The following WNT7B variants were observed in gnomAD, a reference collection of about 807,000 sequenced individuals.
WNT7B encodes the protein Wnt family member 7B.
In WNT7B, 19 loss-of-function variants were observed where a neutral mutation model predicts 38.2. That is an observed-to-expected ratio of 0.50 (90% CI 0.35 to 0.73). The LOEUF (loss-of-function observed/expected upper bound fraction) is 0.73, where lower values mean the gene tolerates loss of function less well. Ranked by LOEUF, WNT7B falls within the 30% of genes least tolerant of loss-of-function variation. The pLI, the probability that WNT7B is intolerant of heterozygous loss-of-function variation, is 0.01. For synonymous variants in WNT7B, 243 were observed against 209.3 expected (o/e 1.16, Z -1.39); for missense variants, 423 against 507.9 (o/e 0.83, Z 1.61).
intron 1 of WNT7B, among the ~76,000 whole-genome samples, chr22:45,974,639 G>T (rs561709598): frequency 6.6e-6 from 1 of 152,126 alleles, no homozygotes; most frequent in African/African-American, 2.4e-5. Context: ...TTCCCCTCCA[G>T]GGGCCCTGGG....
chr22:45,954,247 G>C (rs889623296), intron 1 of WNT7B, among the ~76,000 whole-genome samples: 1 of 152,138 alleles, frequency 6.6e-6, no homozygotes, highest in Non-Finnish European at 1.5e-5. Context: ...GATTGCCAGG[G>C]CTGGGAAGGG....
intron 3 of WNT7B, chr22:45,927,271 C>G (rs1465005062): frequency 2.0e-6 from 2 of 985,280 alleles, no homozygotes; most frequent in Non-Finnish European, 2.4e-6. Flanking sequence ...CGCACAGGCA[C>G]CCTGCGGCAG....
intron 3 of WNT7B, among the ~76,000 whole-genome samples, chr22:45,930,827 G>C (rs910118160): frequency 5.9e-5 from 9 of 152,208 alleles, no homozygotes; most frequent in Non-Finnish European, 8.8e-5. Flanking sequence ...CTCACACCCT[G>C]CATGGAAATG....
At chr22:45,948,826 C>A (rs1601729828) in intron 2 of WNT7B, among the ~76,000 whole-genome samples, 1 of 136,036 alleles carries the variant, frequency 7.4e-6, no homozygotes, top group South Asian at 2.3e-4. Context: ...TCCAAAGATC[C>A]CTTTTTTTTT....
chr22:45,973,180 C>T (rs1276632694), intron 1 of WNT7B, among the ~76,000 whole-genome samples: 1 of 152,246 alleles, frequency 6.6e-6, no homozygotes, highest in Non-Finnish European at 1.5e-5. Context: ...CTCCTTTGAG[C>T]GGTTGGCGGG....
intron 3 of WNT7B, chr22:45,926,505 G>A (rs1169889024): frequency 9.1e-6 from 9 of 985,328 alleles, no homozygotes; most frequent in Admixed American, 6.1e-5. Flanking sequence ...CCAGGCAGGG[G>A]AGTCATGGGG....
In WNT7B at chr22:45,965,922, T is replaced by C. The variant is rs1028761309; in HGVS notation, c.71+10762A>G. Among the ~76,000 whole-genome samples the C allele has an allele frequency of 6.6e-6, 1 of 152,128 alleles. No individual in the cohort carries two copies. Among genetic ancestry groups the C allele is most frequent in the African/African-American group, 2.4e-5 (1 of 41,432 alleles). ...CCCGCCCAAGGCTGGAAACCCGCCT[T>C]AGTAAAACACCGTGACAAGTGGCAT... is the stretch of plus-strand genomic sequence containing the variant. On this transcript the variant is annotated intron_variant, in intron 1 of 3. Coordinates refer to ENST00000339464, the MANE Select transcript of WNT7B (RefSeq NM_058238.3). The surrounding 1 kb of genome is among the most constrained non-coding windows in gnomAD (Gnocchi z 6.5).
At chr22:45,950,507 C>T (rs368522320) in intron 1 of WNT7B, among the ~76,000 whole-genome samples, 7 of 152,260 alleles carry the variant, frequency 4.6e-5, no homozygotes, top group African/African-American at 1.7e-4. Context: ...CAGCCGCCAA[C>T]TCGGGACTGT....
intron 2 of WNT7B, among the ~76,000 whole-genome samples, chr22:45,932,322 C>CT (rs1267251931): frequency 1.3e-5 from 2 of 152,146 alleles, no homozygotes; most frequent in Non-Finnish European, 2.9e-5. Flanking sequence ...ATTATGTGGT[C>CT]TTTTTGGTGG....
chr22:45,949,119 C>T (rs137889259), intron 2 of WNT7B, among the ~76,000 whole-genome samples: 4 of 152,280 alleles, frequency 2.6e-5, no homozygotes, highest in African/African-American at 9.6e-5. Context: ...GCATGAGCCA[C>T]CAGGTCCGGC....
Position 45,922,617 on chromosome 22 carries a change from T to TGGGTGGGTCAC in WNT7B, c.*228_*238dup. On this transcript the variant is annotated 3_prime_UTR_variant, in exon 4 of 4. Coordinates refer to ENST00000339464, the MANE Select transcript of WNT7B (RefSeq NM_058238.3). ...CACCAAGACCCCTGGCCTTGCTCTC[T>TGGGTGGGTCAC]GGGTGGGTCACGGGTGCTGTTCTGC... 1.6e-6 allele frequency: 1 copy of TGGGTGGGTCAC among 610,970 alleles called. No homozygotes were observed. Among genetic ancestry groups the TGGGTGGGTCAC allele is most frequent in the Non-Finnish European group, 2.8e-6 (1 of 362,434 alleles). 37.8% of individuals were successfully genotyped at this position (610,970 alleles called of 1,614,324 possible). A position where few individuals can be genotyped will look rare whatever the true frequency, so the allele number is the denominator to read the frequency against.
chr22:45,965,917 C>A lies in WNT7B; in HGVS notation c.71+10767G>T, dbSNP rs865952283. Among the ~76,000 whole-genome samples, 1 of 152,174 alleles carries A rather than the reference C, an allele frequency of 6.6e-6. No individual in the cohort carries two copies. The highest frequency in any genetic ancestry group is 2.4e-5 in the African/African-American group (1 of 41,450). On this transcript the variant is annotated intron_variant, in intron 1 of 3. Coordinates refer to ENST00000339464, the MANE Select transcript of WNT7B (RefSeq NM_058238.3). The surrounding 1 kb of genome is among the most constrained non-coding windows in gnomAD (Gnocchi z 6.5). ...CAGAGCCCGCCCAAGGCTGGAAACCCGCCTTAGTAAAACACCGTGACAAGT... is the reference window on the plus strand; with the variant it reads ...CAGAGCCCGCCCAAGGCTGGAAACCAGCCTTAGTAAAACACCGTGACAAGT...
At chr22:45,940,702 A>G (rs1193433788) in intron 2 of WNT7B, among the ~76,000 whole-genome samples, 1 of 152,230 alleles carries the variant, frequency 6.6e-6, no homozygotes, top group Admixed American at 6.5e-5. Context: ...GCCAGAGGCC[A>G]GGGGTCAGAG....
intron 1 of WNT7B, among the ~76,000 whole-genome samples, chr22:45,958,155 G>A (rs924066298): frequency 9.9e-5 from 15 of 152,220 alleles, no homozygotes; most frequent in African/African-American, 2.4e-4. Context: ...AGCAGGGCCC[G>A]TCAGCAGTGA....
At chr22:45,972,116 G>GGGGCCCCCCCCCCCCCCC in intron 1 of WNT7B, 1 of 530,744 alleles carries the variant, frequency 1.9e-6, no homozygotes, top group East Asian at 3.7e-5. Context: ...CCCGGGGGGA[G>GGGGCCCCCCCCCCCCCCC]CCCACCCGCC....
At position 45,926,846 on chromosome 22, in the gene WNT7B, G is replaced by T. The variant is rs367649452; in HGVS notation, c.571-3511C>A. The T allele has an allele frequency of 6.1e-6, 6 of 985,270 alleles. No individual in the cohort carries two copies. In the South Asian group the frequency reaches 2.8e-4, roughly 46 times the overall value. 61.0% of individuals were successfully genotyped at this position (985,270 alleles called of 1,614,324 possible). A position where few individuals can be genotyped will look rare whatever the true frequency, so the allele number is the denominator to read the frequency against. ...ACTGGCCGAGAAGGAGAGTGTGGAG[G>T]GTGTGCCCCTCCCAGGATCCGGCGC... On this transcript the variant is annotated intron_variant, in intron 3 of 3. Transcript: ENST00000339464.
chr22:45,945,885 C>T (rs1177078530), intron 2 of WNT7B, among the ~76,000 whole-genome samples: 1 of 152,250 alleles, frequency 6.6e-6, no homozygotes, highest in African/African-American at 2.4e-5. Flanking sequence ...GTGCTGGTGT[C>T]CCGGGCCGCT....
chr22:45,940,423 C>A (rs533486718), intron 2 of WNT7B, among the ~76,000 whole-genome samples: 1 of 152,088 alleles, frequency 6.6e-6, no homozygotes, highest in Non-Finnish European at 1.5e-5. Context: ...CTGACCTGGA[C>A]GCCACGCTTG....
chr22:45,952,254 A>G (rs990307374), intron 1 of WNT7B, among the ~76,000 whole-genome samples: 1 of 152,182 alleles, frequency 6.6e-6, no homozygotes, highest in African/African-American at 2.4e-5. Flanking sequence ...GTGATTTTCC[A>G]GGGCGGCCGA....
Sources: gnomAD v4.1 joint callset for allele counts (sites outside exome capture counted in the v4.1 genomes callset) on GRCh38, gnomAD v4.1.1 for gene constraint, Gnocchi (gnomAD v3.1) non-coding constraint, MANE v1.5 for transcripts, NCBI Gene and HGNC (gene_info 2026-07-23, HGNC 2026-07-21) for gene names.